RBFOX1: variants seen among roughly 807,000 people sequenced by gnomAD.
The protein encoded by RBFOX1 is RNA binding protein fox-1 homolog 1.
A neutral mutation model predicts 57.7 loss-of-function variants in RBFOX1; 8 were observed. The ratio of observed to expected loss-of-function variants is 0.14; its 90% CI spans 0.08 to 0.25. RBFOX1 has a LOEUF of 0.25. RBFOX1 is among the 10% of genes least tolerant of loss of function. The pLI, the probability that RBFOX1 is intolerant of heterozygous loss-of-function variation, is 1.00. For synonymous variants in RBFOX1, 326 were observed against 222.4 expected (o/e 1.47, Z -4.15); for missense variants, 611 against 548.5 (o/e 1.11, Z -1.14).
chr16:5,821,261 G>A (rs1432671971), intron 3 of RBFOX1, among the ~76,000 whole-genome samples: 5 of 151,952 alleles, frequency 3.3e-5, no homozygotes, highest in South Asian at 2.1e-4. Flanking sequence ...CAGTTGGGGC[G>A]GGGAAGTGGG....
chr16:7,234,073 T>G (rs1369157133), intron 4 of RBFOX1, among the ~76,000 whole-genome samples: 1 of 152,144 alleles, frequency 6.6e-6, no homozygotes, highest in Non-Finnish European at 1.5e-5. Context: ...GCATGGAAAT[T>G]ATGTCACAAG....
intron 2 of RBFOX1, among the ~76,000 whole-genome samples, chr16:5,471,423 T>C (rs2069130481): frequency 6.6e-6 from 1 of 152,154 alleles, no homozygotes; most frequent in Non-Finnish European, 1.5e-5. Flanking sequence ...TGGTGTCCTT[T>C]TTCTCTCGGA....
chr16:6,950,113 ATT>A (rs58222300), intron 3 of RBFOX1, among the ~76,000 whole-genome samples: 68 of 120,916 alleles, frequency 5.6e-4, no homozygotes, highest in African/African-American at 1.5e-3. Context: ...CGCAGAGGTA[ATT>A]TTTTTTTTTT....
chr16:7,437,067 C>T (rs1264057860), intron 4 of RBFOX1, among the ~76,000 whole-genome samples: 1 of 151,978 alleles, frequency 6.6e-6, no homozygotes. Flanking sequence ...GGTGACAGAG[C>T]GAGACTCTGT....
At chr16:7,165,047 A>G (rs1418542604) in intron 4 of RBFOX1, among the ~76,000 whole-genome samples, 7 of 152,210 alleles carry the variant, frequency 4.6e-5, no homozygotes, top group African/African-American at 1.2e-4. Flanking sequence ...TCTGGGTCAT[A>G]AAGGAGAGCT....
Position 6,065,028 on chromosome 16 carries a change from T to C in RBFOX1, c.-127+45036T>C, listed in dbSNP as rs549373858. Among the ~76,000 whole-genome samples the C allele has an allele frequency of 6.6e-4, 100 of 150,842 alleles. 1 individual carries two copies. The highest frequency in any genetic ancestry group is 2.4e-3 in the African/African-American group (97 of 40,952). Reference sequence around the variant, plus strand: ...TATATTTCTTTTCTTTCTTTCTTTCTTTTTTTTTCTTTTTCTTGAGACAGG... The same window carrying C: ...TATATTTCTTTTCTTTCTTTCTTTCCTTTTTTTTCTTTTTCTTGAGACAGG... On this transcript the variant is annotated intron_variant, in intron 1 of 15. Coordinates refer to ENST00000550418, the MANE Select transcript of RBFOX1 (RefSeq NM_018723.4).
At chr16:7,219,979 T>A (rs999621307) in intron 4 of RBFOX1, among the ~76,000 whole-genome samples, 1 of 152,228 alleles carries the variant, frequency 6.6e-6, no homozygotes, top group African/African-American at 2.4e-5. Context: ...GAATCTGAGT[T>A]CAGTTGGTTT....
rs2058520655 is a variant in RBFOX1, at chr16:5,908,236, ATAC to A, written c.351+40902_351+40904del. On this transcript the variant is annotated intron_variant, in intron 4 of 19. Coordinates refer to the RBFOX1 transcript ENST00000641259. ...TATATACATATATACACACATATATATACATATACATACACACACATATATACA... is the reference window on the plus strand; with the variant it reads ...TATATACATATATACACACATATATAATATACATACACACACATATATACA... Among the ~76,000 whole-genome samples the A allele has an allele frequency of 1.3e-5, 2 of 149,080 alleles. 1 individual carries two copies. The highest frequency in any genetic ancestry group is 4.9e-5 in the African/African-American group (2 of 40,592).
chr16:6,352,475 A>T (rs1023864324), intron 2 of RBFOX1, among the ~76,000 whole-genome samples: 10 of 152,202 alleles, frequency 6.6e-5, no homozygotes, highest in Non-Finnish European at 1.2e-4. Flanking sequence ...TTACAATGGA[A>T]TTTTACTTTG....
chr16:6,231,216 TTGTGTGTGTGTGTGTGTGTGTAGGTG>T (rs1233870602), intron 1 of RBFOX1, among the ~76,000 whole-genome samples: 2 of 145,040 alleles, frequency 1.4e-5, no homozygotes, highest in African/African-American at 5.0e-5. Context: ...GTGTATGTGT[TTGTGTGTGTGTGTGTGTGTGTAGGTG>T]TGTGTGTGTG....
chr16:6,423,523 T>A (rs1317392297), intron 2 of RBFOX1, among the ~76,000 whole-genome samples: 3 of 152,114 alleles, frequency 2.0e-5, no homozygotes, highest in Non-Finnish European at 4.4e-5. Flanking sequence ...TGCTCGAACC[T>A]GGGAGGTGAA....
chr16:6,274,765 A>G (rs956124739), intron 1 of RBFOX1, among the ~76,000 whole-genome samples: 1 of 152,218 alleles, frequency 6.6e-6, no homozygotes, highest in Non-Finnish European at 1.5e-5. Context: ...AGAATGAAAT[A>G]TCTAATTTAA....
intron 1 of RBFOX1, among the ~76,000 whole-genome samples, chr16:6,225,955 T>C (rs996333581): frequency 6.6e-6 from 1 of 152,118 alleles, no homozygotes; most frequent in Non-Finnish European, 1.5e-5. Context: ...CTTAAGACAA[T>C]CTTTTTCTAG....
chr16:5,421,008 C>CT (rs2067309432), intron 1 of RBFOX1, among the ~76,000 whole-genome samples: 1 of 147,674 alleles, frequency 6.8e-6, no homozygotes, highest in Non-Finnish European at 1.5e-5. Flanking sequence ...CCTCCTCCTC[C>CT]TTCCTTCTTC....
intron 4 of RBFOX1, among the ~76,000 whole-genome samples, chr16:7,363,944 G>C (rs758412171): frequency 1.3e-5 from 2 of 152,056 alleles, no homozygotes; most frequent in African/African-American, 2.4e-5. Context: ...TGGCCTTCCT[G>C]GTGTCTTATG....
At chr16:6,608,061 G>A (rs1601387897) in intron 2 of RBFOX1, among the ~76,000 whole-genome samples, 1 of 152,250 alleles carries the variant, frequency 6.6e-6, no homozygotes, top group South Asian at 2.1e-4. Flanking sequence ...TCATTGTACA[G>A]AATTTTGAGA....
intron 4 of RBFOX1, among the ~76,000 whole-genome samples, chr16:7,093,315 C>T (rs1420402360): frequency 6.6e-6 from 1 of 152,134 alleles, no homozygotes; most frequent in East Asian, 1.9e-4. Flanking sequence ...CTGAGCTTGC[C>T]TCTCTTGTCT....
intron 1 of RBFOX1, among the ~76,000 whole-genome samples, chr16:5,422,456 G>C (rs1178306701): frequency 7.4e-6 from 1 of 134,392 alleles, no homozygotes; most frequent in Non-Finnish European, 1.6e-5. Flanking sequence ...GGGAACATGA[G>C]GGAGAGGGAG....
chr16:6,458,819 T>C (rs934541364), intron 2 of RBFOX1, among the ~76,000 whole-genome samples: 11 of 152,236 alleles, frequency 7.2e-5, no homozygotes, highest in African/African-American at 2.7e-4. Context: ...AAACACATCA[T>C]ATCAAATGCA....
Sources: allele counts gnomAD v4.1 joint callset (sites outside exome capture counted in the v4.1 genomes callset), GRCh38; gene constraint gnomAD v4.1.1; transcripts MANE v1.5; gene names NCBI Gene and HGNC (gene_info 2026-07-23, HGNC 2026-07-21).